Variants in SP140L observed in about 807,000 individuals in gnomAD.
SP140L encodes nuclear body protein SP140-like protein.
In SP140L, 64 loss-of-function variants were observed where a neutral mutation model predicts 84.3. The ratio of observed to expected loss-of-function variants is 0.76; its 90% CI spans 0.62 to 0.94. The LOEUF is 0.94. Among genes scored for constraint, SP140L ranks in the 40% least tolerant of loss-of-function variants. The pLI, the probability that SP140L is intolerant of heterozygous loss-of-function variation, is 0.00. For missense variants in SP140L, 628 were observed against 692.5 expected (o/e 0.91, Z 1.05); for synonymous variants, 242 against 236.9 (o/e 1.02, Z -0.20).
intron 2 of SP140L, among the ~76,000 whole-genome samples, chr2:230,346,086 A>T (rs2060199413): frequency 6.6e-6 from 1 of 152,154 alleles, no homozygotes; most frequent in South Asian, 2.1e-4. Flanking sequence ...GAACTCCTTC[A>T]ACTTTTGTTT....
chr2:230,398,940 G>A (rs1233132078), intron 14 of SP140L, among the ~76,000 whole-genome samples: 7 of 152,188 alleles, frequency 4.6e-5, no homozygotes, highest in South Asian at 2.1e-4. Flanking sequence ...AGGTGCAAGC[G>A]GTCCTCTTGA....
chr2:230,343,862 G>A (rs77543518), intron 2 of SP140L, among the ~76,000 whole-genome samples: 22,433 of 152,062 alleles, frequency 0.15, 1,830 homozygotes, highest in African/African-American at 0.21. Flanking sequence ...ATCTTGGTCT[G>A]ATTTGATTGT....
intron 7 of SP140L, among the ~76,000 whole-genome samples, chr2:230,380,561 C>T (rs1305021817): frequency 6.6e-6 from 1 of 152,146 alleles, no homozygotes; most frequent in East Asian, 1.9e-4. Context: ...CACTTTTCTG[C>T]ACCATCGAAA....
chr2:230,363,136 T>C (rs1340181751), intron 5 of SP140L, among the ~76,000 whole-genome samples: 2 of 152,204 alleles, frequency 1.3e-5, no homozygotes, highest in African/African-American at 4.8e-5. Flanking sequence ...AGCCCCATCA[T>C]AACTGTAGGA....
chr2:230,384,286 C>A (rs2061498419), intron 8 of SP140L, among the ~76,000 whole-genome samples: 1 of 152,190 alleles, frequency 6.6e-6, no homozygotes, highest in Non-Finnish European at 1.5e-5. Context: ...CATCTGGAGA[C>A]AGCCATCCTC....
intron 13 of SP140L, 41 bp downstream of exon 13, chr2:230,393,502 C>A (rs1180652445): frequency 1.3e-6 from 2 of 1,529,742 alleles, no homozygotes; most frequent in Admixed American, 2.2e-5. Context: ...TGTCACACAA[C>A]AGATTTAACA....
At chr2:230,369,563 C>T (rs186087847) in intron 5 of SP140L, among the ~76,000 whole-genome samples, 1 of 152,278 alleles carries the variant, frequency 6.6e-6, no homozygotes, top group African/African-American at 2.4e-5. Flanking sequence ...GCACTACAGA[C>T]TTTCAGAAAC....
At position 230,361,624 on chromosome 2, in the gene SP140L, C is replaced by T; in HGVS notation, c.450C>T (p.Asp150=). The change falls in exon 5 of 19, where the codon GAC becomes GAT. Residue 150 remains aspartate (D), a synonymous_variant. Coordinates refer to ENST00000415673, the MANE Select transcript of SP140L (RefSeq NM_138402.6). The part of the protein sequence containing the change: ...IYKSFKNAIQ[D]KLSFQESDRK... ...TCTCCCACTCTTCAGCAATCCAAGA[C>T]AAATTGTCTTTCCAAGAAAGTGATC... is the stretch of plus-strand genomic sequence containing the variant. The T allele has an allele frequency of 6.4e-7, 1 of 1,558,956 alleles. No individual in the cohort carries two copies. Among genetic ancestry groups the T allele is most frequent in the Non-Finnish European group, 8.7e-7 (1 of 1,150,290 alleles).
At chr2:230,327,389 A>C (rs1449310177) in intron 1 of SP140L, 88 bp downstream of exon 1, 2 of 1,457,970 alleles carry the variant, frequency 1.4e-6, no homozygotes, top group African/African-American at 1.4e-5. Context: ...CTAAAGCTTC[A>C]GTTTAGTCCT....
chr2:230,402,670 C>A, intron 18 of SP140L, 128 bp from the exon 19 acceptor site: 1 of 698,426 alleles, frequency 1.4e-6, no homozygotes, highest in South Asian at 1.8e-5. Context: ...AAAATACATA[C>A]CATTATAAAT....
intron 5 of SP140L, among the ~76,000 whole-genome samples, chr2:230,367,295 C>CTTTTTTTTTTTTTTTTTTTT (rs200306286): frequency 1.5e-4 from 18 of 118,050 alleles, no homozygotes; most frequent in African/African-American, 2.0e-4. Context: ...TCTTTTTTTT[C>CTTTTTTTTTTTTTTTTTTTT]TTTTTTTTTT....
At position 230,403,097 on chromosome 2, in the gene SP140L, A is replaced by C; in HGVS notation, c.*201A>C. ...GAATCTCATCAACCAGGGAAGAGGA[A>C]CTGAGATCACAGGGAAGGAGATTGG... On this transcript the variant is annotated 3_prime_UTR_variant, in exon 19 of 19. Transcript: ENST00000415673. The C allele has an allele frequency of 1.9e-6, 1 of 523,498 alleles. No individual in the cohort carries two copies. The highest frequency in any genetic ancestry group is 3.3e-6 in the Non-Finnish European group (1 of 299,952). The allele number at this position is 523,498 out of a possible 1,614,324, so 32.4% of individuals were successfully genotyped here. A position where few individuals can be genotyped will look rare whatever the true frequency, so the allele number is the denominator to read the frequency against.
chr2:230,353,103 C>T (rs2060414765), intron 2 of SP140L, among the ~76,000 whole-genome samples: 1 of 151,956 alleles, frequency 6.6e-6, no homozygotes, highest in Admixed American at 6.5e-5. Flanking sequence ...TGTAAAATTA[C>T]AGAGAGATTT....
intron 14 of SP140L, 110 bp from the exon 15 acceptor site, chr2:230,400,017 A>T (rs1334462541): frequency 4.6e-6 from 5 of 1,075,810 alleles, no homozygotes; most frequent in Non-Finnish European, 6.9e-6. Flanking sequence ...GGAGAAGCAT[A>T]TGCCTGTCTA....
At chr2:230,360,019 T>A (rs2060667760) in intron 4 of SP140L, among the ~76,000 whole-genome samples, 1 of 150,634 alleles carries the variant, frequency 6.6e-6, no homozygotes, top group South Asian at 2.1e-4. Context: ...TGAGAAGGCA[T>A]AATTTATACT....
At chr2:230,382,260 G>A (rs866596745) in intron 7 of SP140L, among the ~76,000 whole-genome samples, 1 of 137,468 alleles carries the variant, frequency 7.3e-6, no homozygotes, top group East Asian at 2.4e-4. Context: ...AGCCCCTGCC[G>A]TCTCATGCCT....
At chr2:230,343,966 G>T (rs1052756798) in intron 2 of SP140L, among the ~76,000 whole-genome samples, 1 of 152,182 alleles carries the variant, frequency 6.6e-6, no homozygotes, top group East Asian at 1.9e-4. Flanking sequence ...TTGACTAAGT[G>T]CTGTGTGGTG....
intron 2 of SP140L, among the ~76,000 whole-genome samples, chr2:230,349,932 C>T (rs1460657713): frequency 1.3e-5 from 2 of 152,128 alleles, no homozygotes; most frequent in Non-Finnish European, 2.9e-5. Flanking sequence ...TTGCTTGAAT[C>T]CAGGGGGCAG....
At chr2:230,396,023 C>T (rs915144124) in intron 13 of SP140L, among the ~76,000 whole-genome samples, 2 of 152,246 alleles carry the variant, frequency 1.3e-5, no homozygotes, top group African/African-American at 4.8e-5. Flanking sequence ...CTCCAGGACT[C>T]TGGGCCCTGT....
Sources: gnomAD v4.1 joint callset for allele counts (sites outside exome capture counted in the v4.1 genomes callset) on GRCh38, gnomAD v4.1.1 for gene constraint, MANE v1.5 for transcripts, NCBI Gene and HGNC (gene_info 2026-07-23, HGNC 2026-07-21) for gene names.